Variants in SCMH1 observed in about 807,000 individuals in gnomAD.
SCMH1 encodes polycomb protein SCMH1.
A neutral mutation model predicts 70.8 loss-of-function variants in SCMH1; 37 were observed. The observed-to-expected ratio is 0.52, with a 90% CI of 0.40 to 0.69. The LOEUF (loss-of-function observed/expected upper bound fraction) is 0.69, where lower values mean the gene tolerates loss of function less well. Ranked by LOEUF, SCMH1 falls within the 30% of genes least tolerant of loss-of-function variation. SCMH1 has a pLI of 0.00. For synonymous variants in SCMH1, 292 were observed against 307.4 expected, an observed-to-expected ratio of 0.95 and a Z score of 0.52; for missense variants, 607 against 827.3, an observed-to-expected ratio of 0.73 and a Z score of 3.27.
intron 6 of SCMH1, among the ~76,000 whole-genome samples, chr1:41,138,121 T>C (rs1460158046): frequency 6.6e-6 from 1 of 152,210 alleles, no homozygotes; most frequent in Admixed American, 6.5e-5. Flanking sequence ...TTCTGCATGC[T>C]GAAAACGATT....
At chr1:41,200,160 C>A (rs1653973233) in intron 1 of SCMH1, among the ~76,000 whole-genome samples, 1 of 152,128 alleles carries the variant, frequency 6.6e-6, no homozygotes, top group Admixed American at 6.5e-5. Flanking sequence ...GTATACATTC[C>A]TGGAAACCTC....
At chr1:41,155,869 C>T in intron 4 of SCMH1, among the ~76,000 whole-genome samples, 1 of 151,652 alleles carries the variant, frequency 6.6e-6, no homozygotes, top group East Asian at 1.9e-4. Context: ...CCTATAATCC[C>T]AGCTACTTGG....
intron 14 of SCMH1, 66 bp from the exon 16 acceptor site, chr1:41,028,385 A>G: frequency 6.3e-7 from 1 of 1,593,188 alleles, no homozygotes; most frequent in Non-Finnish European, 8.6e-7. Context: ...TGGTCTGACC[A>G]CCCCAGGTTC....
At chr1:41,199,470 T>C (rs1382680116) in intron 1 of SCMH1, among the ~76,000 whole-genome samples, 1 of 152,206 alleles carries the variant, frequency 6.6e-6, no homozygotes. Flanking sequence ...GTGCTCCTGG[T>C]AGGTGTTTTT....
intron 1 of SCMH1, among the ~76,000 whole-genome samples, chr1:41,232,216 G>A (rs1557881589): frequency 6.6e-6 from 1 of 152,078 alleles, no homozygotes; most frequent in Admixed American, 6.5e-5. Context: ...TCCTTAGTAT[G>A]TAGCTGGTAA....
intron 8 of SCMH1, among the ~76,000 whole-genome samples, chr1:41,089,670 C>T (rs1662751091): frequency 6.6e-6 from 1 of 151,860 alleles, no homozygotes; most frequent in Non-Finnish European, 1.5e-5. Context: ...TCACTCAGAA[C>T]TAAAGCCAAG....
intron 9 of SCMH1, among the ~76,000 whole-genome samples, chr1:41,073,979 G>A (rs999983154): frequency 6.6e-6 from 1 of 152,044 alleles, no homozygotes; most frequent in Non-Finnish European, 1.5e-5. Context: ...TCTTGTTCAG[G>A]CAGGAGATTC....
chr1:41,090,115 T>G (rs1053870920), intron 8 of SCMH1, among the ~76,000 whole-genome samples: 3 of 152,074 alleles, frequency 2.0e-5, no homozygotes, highest in Middle Eastern at 3.2e-3. Flanking sequence ...TTGCTAGTGA[T>G]TCTCAAACTC....
chr1:41,096,141 T>C (rs1205018140), intron 8 of SCMH1, among the ~76,000 whole-genome samples: 1 of 152,124 alleles, frequency 6.6e-6, no homozygotes, highest in Non-Finnish European at 1.5e-5. Flanking sequence ...CTAGCAATAA[T>C]AGGAACAGAC....
At chr1:41,117,109 G>A in intron 6 of SCMH1, 99 bp from the exon 7 acceptor site, 3 of 746,608 alleles carry the variant, frequency 4.0e-6, no homozygotes, top group Non-Finnish European at 6.3e-6. Context: ...AGAGACCGAG[G>A]GCACGAGCTC....
At chr1:41,101,105 A>C (rs947197755) in intron 8 of SCMH1, among the ~76,000 whole-genome samples, 11 of 152,174 alleles carry the variant, frequency 7.2e-5, no homozygotes, top group Non-Finnish European at 1.2e-4. Flanking sequence ...GGGGAAAAAA[A>C]GACCTAGGGA....
chr1:41,209,687 C>G (rs993662465), intron 1 of SCMH1, among the ~76,000 whole-genome samples: 5 of 152,342 alleles, frequency 3.3e-5, no homozygotes, highest in Middle Eastern at 3.4e-3. Context: ...TAAAAACTCT[C>G]AATAAACTAG....
chr1:41,233,739 C>A (rs1312043368), intron 1 of SCMH1, among the ~76,000 whole-genome samples: 1 of 152,182 alleles, frequency 6.6e-6, no homozygotes, highest in Non-Finnish European at 1.5e-5. Context: ...GGGCCTTTCA[C>A]ACTGCTGACT....
intron 6 of SCMH1, among the ~76,000 whole-genome samples, chr1:41,136,517 G>A (rs1643351174): frequency 6.6e-6 from 1 of 151,630 alleles, no homozygotes; most frequent in Admixed American, 6.6e-5. Context: ...GGGACTACAG[G>A]CATGCACCAC....
intron 7 of SCMH1, among the ~76,000 whole-genome samples, chr1:41,115,872 T>C (rs1670339431): frequency 6.6e-6 from 1 of 152,196 alleles, no homozygotes; most frequent in South Asian, 2.1e-4. Flanking sequence ...TTTTTGTCAT[T>C]ATGTTTAGTG....
chr1:41,220,007 C>T (rs1025892335), intron 1 of SCMH1, among the ~76,000 whole-genome samples: 1 of 152,028 alleles, frequency 6.6e-6, no homozygotes, highest in Non-Finnish European at 1.5e-5. Context: ...TATAACCACT[C>T]TTTCATACAT....
intron 10 of SCMH1, among the ~76,000 whole-genome samples, chr1:41,068,856 G>A (rs915168623): frequency 1.3e-5 from 2 of 152,082 alleles, no homozygotes; most frequent in Non-Finnish European, 2.9e-5. Context: ...TAAGAATGAT[G>A]TACAGAAAAC....
At chr1:41,234,482 T>C (rs1354615674) in intron 1 of SCMH1, among the ~76,000 whole-genome samples, 1 of 106,838 alleles carries the variant, frequency 9.4e-6, no homozygotes, top group African/African-American at 3.1e-5. Flanking sequence ...TTTTTTTTTT[T>C]TTTGAGACAC....
rs376233858 is a variant in SCMH1 at position 41,028,678 on chromosome 1, C to T, written c.1727G>A (p.Arg576Gln). Residue 576 changes from arginine to glutamine, a missense_variant, in exon 14 of 15, where the codon CGG becomes CAG. This residue lies in a region of SCMH1 where 430 missense variants were observed against 528.2 expected (regional missense o/e 0.81). Transcript: ENST00000337495. ...CTCGACTGTCCATGAGGAGGGGTCC[C>T]GGCCACTCAGTCGAGAGGCATCGCG... 46 of 1,614,038 alleles carry T rather than the reference C, an allele frequency of 2.8e-5. No individual in the cohort carries two copies. Among genetic ancestry groups the T allele is most frequent in the East Asian group, 2.2e-4 (10 of 44,894 alleles).
Sources: allele counts gnomAD v4.1 joint callset (sites outside exome capture counted in the v4.1 genomes callset), GRCh38; gene constraint gnomAD v4.1.1; regional missense constraint gnomAD v4.1.1; transcripts MANE v1.5; gene names NCBI Gene and HGNC (gene_info 2026-07-23, HGNC 2026-07-21).